The following NRXN3 variants were observed in gnomAD, a reference collection of about 807,000 sequenced individuals.
NRXN3 encodes neurexin 3.
NRXN3 carries 32 observed loss-of-function variants against 137.6 expected under a neutral mutation model. The observed-to-expected ratio is 0.23, with a 90% CI of 0.18 to 0.31. NRXN3 has a LOEUF of 0.31. Ranked by LOEUF, NRXN3 falls within the 10% of genes least tolerant of loss-of-function variation. NRXN3 has a pLI of 1.00. For missense variants in NRXN3, 1,574 were observed against 2,062.5 expected (o/e 0.76, Z 4.59); for synonymous variants, 798 against 784.5 (o/e 1.02, Z -0.29).
At chr14:79,112,069 CATTTA>C (rs1181572352) in intron 15 of NRXN3, among the ~76,000 whole-genome samples, 1 of 152,186 alleles carries the variant, frequency 6.6e-6, no homozygotes, top group Non-Finnish European at 1.5e-5. Context: ...TCTGAGTAAT[CATTTA>C]ATTATGGTAT....
At chr14:78,623,861 G>A (rs1272766131) in intron 4 of NRXN3, among the ~76,000 whole-genome samples, 1 of 152,142 alleles carries the variant, frequency 6.6e-6, no homozygotes, top group African/African-American at 2.4e-5. Context: ...CGTGAGCCAT[G>A]GCACCCGGGC....
intron 20 of NRXN3, among the ~76,000 whole-genome samples, chr14:79,837,425 C>T (rs1011126154): frequency 6.6e-6 from 1 of 152,102 alleles, no homozygotes; most frequent in Non-Finnish European, 1.5e-5. Context: ...AATGTTGTAT[C>T]TTCTCTAGCA....
intron 17 of NRXN3, among the ~76,000 whole-genome samples, chr14:79,670,858 A>G (rs940217715): frequency 2.0e-5 from 3 of 152,182 alleles, no homozygotes; most frequent in Non-Finnish European, 4.4e-5. Context: ...TTGACTTTCT[A>G]CAATGAAGTT....
chr14:78,524,607 A>G (rs1227444186), intron 4 of NRXN3, among the ~76,000 whole-genome samples: 1 of 152,176 alleles, frequency 6.6e-6, no homozygotes, highest in Non-Finnish European at 1.5e-5. Context: ...CTGCCAGTCT[A>G]TAGAATGGCC....
chr14:78,748,238 G>T (rs1449982813), intron 8 of NRXN3, among the ~76,000 whole-genome samples: 1 of 152,080 alleles, frequency 6.6e-6, no homozygotes, highest in Non-Finnish European at 1.5e-5. Context: ...CAGGATTTCA[G>T]GTCACCTATG....
rs2095695912 is a variant in NRXN3, at chr14:79,428,663, G to C, written c.3263-38558G>C. 2.0e-5 allele frequency among the ~76,000 whole-genome samples: 3 copies of C among 152,026 alleles called. No individual in the cohort carries two copies. In the South Asian group the frequency reaches 6.2e-4, roughly 32 times the overall value. ...TCTAAATATATAGCAAAATCAGCTG[G>C]GGGTACAAGAGTGTAACTACTTCCT... On this transcript the variant is annotated intron_variant, in intron 15 of 20. Transcript: ENST00000335750.
chr14:79,498,520 G>A (rs1289376255), intron 16 of NRXN3, among the ~76,000 whole-genome samples: 1 of 152,168 alleles, frequency 6.6e-6, no homozygotes. Flanking sequence ...CTTACAGAGT[G>A]ATCCTTGTCT....
intron 2 of NRXN3, among the ~76,000 whole-genome samples, chr14:78,244,444 AAAAAG>A (rs2067397755): frequency 6.6e-6 from 1 of 152,028 alleles, no homozygotes; most frequent in Admixed American, 6.6e-5. Context: ...GAAAAAAAAA[AAAAAG>A]AAAAGAAATT....
intron 8 of NRXN3, among the ~76,000 whole-genome samples, chr14:78,749,652 C>G (rs2098631533): frequency 6.6e-6 from 1 of 152,152 alleles, no homozygotes; most frequent in South Asian, 2.1e-4. Flanking sequence ...GTGCATGTAT[C>G]TTAATTCTTT....
intron 10 of NRXN3, among the ~76,000 whole-genome samples, chr14:78,930,691 A>G (rs1340636321): frequency 6.6e-6 from 1 of 152,206 alleles, no homozygotes; most frequent in East Asian, 1.9e-4. Context: ...AATGTATGTC[A>G]ATTCATTAAG....
At chr14:78,522,696 C>A (rs2096302415) in intron 4 of NRXN3, among the ~76,000 whole-genome samples, 1 of 152,074 alleles carries the variant, frequency 6.6e-6, no homozygotes. Context: ...TCAGAATAGC[C>A]TATTCTTCTG....
At chr14:78,831,556 A>AAC (rs2098982322) in intron 10 of NRXN3, among the ~76,000 whole-genome samples, 1 of 151,082 alleles carries the variant, frequency 6.6e-6, no homozygotes, top group African/African-American at 2.4e-5. Context: ...AAAAAAAAAA[A>AAC]AAAAACAACA....
intron 6 of NRXN3, among the ~76,000 whole-genome samples, chr14:78,692,130 A>C (rs2098176979): frequency 6.6e-6 from 1 of 152,242 alleles, no homozygotes; most frequent in African/African-American, 2.4e-5. Context: ...ACACTTTCTT[A>C]GGAAGCATTA....
chr14:78,522,852 C>A (rs755705638), intron 4 of NRXN3, among the ~76,000 whole-genome samples: 1 of 152,074 alleles, frequency 6.6e-6, no homozygotes, highest in East Asian at 1.9e-4. Context: ...CATTAATTAG[C>A]GAGAGAAGAG....
At chr14:79,323,990 G>A (rs769575700) in intron 15 of NRXN3, among the ~76,000 whole-genome samples, 10 of 152,274 alleles carry the variant, frequency 6.6e-5, no homozygotes, top group South Asian at 4.1e-4. Flanking sequence ...TATTTCTATT[G>A]CTGGTCAATG....
intron 15 of NRXN3, among the ~76,000 whole-genome samples, chr14:79,332,026 T>C (rs1252379933): frequency 2.0e-5 from 3 of 152,218 alleles, no homozygotes; most frequent in Non-Finnish European, 4.4e-5. Flanking sequence ...TGTTAGCAAT[T>C]TGGCACGGTT....
chr14:79,117,184 A>G (rs1350725810), intron 15 of NRXN3, among the ~76,000 whole-genome samples: 8 of 152,328 alleles, frequency 5.3e-5, no homozygotes, highest in African/African-American at 1.9e-4. Context: ...TGATTATGAA[A>G]AGGTTACCCA....
At chr14:79,717,257 T>A (rs964350041) in intron 19 of NRXN3, among the ~76,000 whole-genome samples, 4 of 152,206 alleles carry the variant, frequency 2.6e-5, no homozygotes, top group Non-Finnish European at 4.4e-5. Flanking sequence ...AAAGCACACA[T>A]AGCTTTGACT....
At chr14:79,300,599 G>T (rs1328286938) in intron 15 of NRXN3, among the ~76,000 whole-genome samples, 1 of 152,030 alleles carries the variant, frequency 6.6e-6, no homozygotes, top group Non-Finnish European at 1.5e-5. Flanking sequence ...AATGTTGACT[G>T]CTTCACTTGG....
Sources: allele counts gnomAD v4.1 joint callset (sites outside exome capture counted in the v4.1 genomes callset), GRCh38; gene constraint gnomAD v4.1.1; transcripts MANE v1.5; gene names NCBI Gene and HGNC (gene_info 2026-07-23, HGNC 2026-07-21).